The following RARS2 variants were observed in gnomAD, a reference collection of about 807,000 sequenced individuals.
RARS2 encodes arginyl-tRNA synthetase 2, mitochondrial.
RARS2 carries 67 observed loss-of-function variants against 88.5 expected under a neutral mutation model. That is an observed-to-expected ratio of 0.76 (90% confidence interval 0.62 to 0.93). The LOEUF is 0.93. Ranked by LOEUF, RARS2 falls within the 40% of genes least tolerant of loss-of-function variation. The probability of loss-of-function intolerance (pLI) is 0.00; values close to 1 mark genes in which losing one functional copy is unlikely to be tolerated. For missense variants in RARS2, 664 were observed against 684.2 expected (o/e 0.97, Z 0.33); for synonymous variants, 239 against 230.3 (o/e 1.04, Z -0.34).
At chr6:87,589,703 T>C (rs1776415529) in intron 1 of RARS2, 1 of 985,022 alleles carries the variant, frequency 1.0e-6, no homozygotes, top group Admixed American at 6.2e-5. Flanking sequence ...CCAGGTACCT[T>C]TCAAAGTTTA....
In RARS2 at chr6:87,530,933, G is replaced by A. The variant is rs1777321509; in HGVS notation, c.622C>T (p.Gln208Ter). 1.9e-6 allele frequency: 3 copies of A among 1,613,974 alleles called. No homozygotes were observed. Among genetic ancestry groups the A allele is most frequent in the Non-Finnish European group, 1.7e-6 (2 of 1,179,986 alleles). ...PLQHLFEVYV[Q>*]VNKEAADDKS... is the part of the protein sequence containing the mutation. Reference sequence around the variant, plus strand: ...TCATCTGCTGCTTCTTTATTAACTTGTACATAAACCTAAAAGTACAATAGT... The same window carrying A: ...TCATCTGCTGCTTCTTTATTAACTTATACATAAACCTAAAAGTACAATAGT... Residue 208 changes from glutamine to a stop codon, truncating the protein, a stop_gained, in exon 9 of 20, where the codon CAA (glutamine) becomes TAA (stop). Coordinates refer to ENST00000369536, the MANE Select transcript of RARS2 (RefSeq NM_020320.5). LOFTEE classifies it high-confidence loss of function.
Position 87,518,825 on chromosome 6 carries a change from T to C in RARS2, c.1304A>G (p.Gln435Arg). Residue 435 changes from glutamine (Q) to arginine (R), a missense_variant and splice_region_variant, in exon 15 of 20, where the codon CAG becomes CGG. Physicochemically the swap from Gln to Arg is conservative, Grantham distance 43. Transcript: ENST00000369536. Reference sequence around the variant, plus strand: ...TCACAGGTAGGAGTCTTAACAGACCTGAATAATGAGTGCTGCGAGCCCGAC... The same window carrying C: ...TCACAGGTAGGAGTCTTAACAGACCCGAATAATGAGTGCTGCGAGCCCGAC... ...ERVGLAALII[Q>R]DFKGLLLSDY... is the part of the protein sequence containing the mutation. 1 of 1,614,012 alleles carries C rather than the reference T, an allele frequency of 6.2e-7. No homozygotes were observed.
intron 14 of RARS2, 99 bp downstream of exon 14, chr6:87,519,483 CA>C (rs1364455513): frequency 7.4e-7 from 1 of 1,345,064 alleles, no homozygotes; most frequent in African/African-American, 1.5e-5. Context: ...AGTGACACTT[CA>C]ATGGAGGGAC....
chr6:87,566,792 G>A (rs1311358818), intron 2 of RARS2, among the ~76,000 whole-genome samples: 1 of 144,820 alleles, frequency 6.9e-6, no homozygotes, highest in East Asian at 2.0e-4. Context: ...GCTGCAGTAA[G>A]CCGTGATTCT....
chr6:87,531,030 A>G (rs1777369871), intron 8 of RARS2, 88 bp from the exon 9 acceptor site: 1 of 1,574,108 alleles, frequency 6.4e-7, no homozygotes, highest in African/African-American at 1.3e-5. Flanking sequence ...GCACATTCTG[A>G]GAATTCTCAT....
intron 2 of RARS2, among the ~76,000 whole-genome samples, chr6:87,564,975 T>C (rs1767432479): frequency 6.6e-6 from 1 of 152,074 alleles, no homozygotes; most frequent in Non-Finnish European, 1.5e-5. Context: ...CGAGAATTGC[T>C]TGAACCCAGG....
intron 3 of RARS2, 41 bp downstream of exon 3, chr6:87,564,089 G>A (rs1170627066): frequency 1.4e-6 from 2 of 1,467,136 alleles, no homozygotes; most frequent in African/African-American, 1.4e-5. Flanking sequence ...TTAATAACAA[G>A]TTTATTACAA....
At chr6:87,581,431 G>A (rs192903460) in intron 1 of RARS2, among the ~76,000 whole-genome samples, 1 of 152,138 alleles carries the variant, frequency 6.6e-6, no homozygotes, top group East Asian at 1.9e-4. Flanking sequence ...ACCAAGACCA[G>A]TGCAGAAGCC....
intron 14 of RARS2, 89 bp from the exon 15 acceptor site, chr6:87,518,980 T>G: frequency 3.2e-6 from 4 of 1,244,528 alleles, no homozygotes; most frequent in Non-Finnish European, 4.7e-6. Flanking sequence ...CAAAAATGTA[T>G]GCTGACAATC....
At chr6:87,529,467 C>G in intron 10 of RARS2, 75 bp downstream of exon 10, 2 of 962,730 alleles carry the variant, frequency 2.1e-6, no homozygotes, top group Non-Finnish European at 3.4e-6. Flanking sequence ...ATTCTGTTGT[C>G]CTTACTCAAA....
intron 1 of RARS2, among the ~76,000 whole-genome samples, chr6:87,570,716 AG>A (rs1381337961): frequency 6.6e-6 from 1 of 152,134 alleles, no homozygotes; most frequent in Admixed American, 6.6e-5. Context: ...CACCATGCCC[AG>A]CCAGATTTTT....
intron 4 of RARS2, among the ~76,000 whole-genome samples, chr6:87,557,560 G>A (rs986784127): frequency 2.0e-5 from 3 of 152,096 alleles, no homozygotes; most frequent in African/African-American, 7.2e-5. Flanking sequence ...CAACAAAAAG[G>A]CAACATTAAT....
chr6:87,540,831 G>A (rs1780703397), intron 8 of RARS2, among the ~76,000 whole-genome samples: 1 of 152,200 alleles, frequency 6.6e-6, no homozygotes, highest in East Asian at 1.9e-4. Flanking sequence ...AAATGAAATA[G>A]AGTAGGCAGA....
At chr6:87,516,691 T>G (rs1771861233) in intron 18 of RARS2, 115 bp downstream of exon 18, 1 of 1,432,910 alleles carries the variant, frequency 7.0e-7, no homozygotes, top group African/African-American at 1.4e-5. Context: ...CAATAATTCC[T>G]GTAACTAAAA....
intron 12 of RARS2, among the ~76,000 whole-genome samples, 153 bp downstream of exon 12, chr6:87,521,311 G>T (rs1773764947): frequency 6.6e-6 from 1 of 152,062 alleles, no homozygotes; most frequent in Admixed American, 6.6e-5. Flanking sequence ...ATTTTTAAGT[G>T]TTTAAACTTT....
intron 18 of RARS2, among the ~76,000 whole-genome samples, chr6:87,515,535 TTA>T (rs1297938407): frequency 1.3e-5 from 2 of 150,892 alleles, no homozygotes; most frequent in East Asian, 4.0e-4. Context: ...AAAAAAAAGA[TTA>T]TGATTTCAAT....
chr6:87,514,357 T>A lies in RARS2; in HGVS notation c.*56A>T. 5.2e-6 allele frequency: 6 copies of A among 1,155,388 alleles called. No homozygotes were observed. The highest frequency in any genetic ancestry group is 7.8e-6 in the Non-Finnish European group (6 of 765,450). The allele number at this position is 1,155,388 out of a possible 1,614,324, so 71.6% of individuals were successfully genotyped here. On this transcript the variant is annotated 3_prime_UTR_variant, in exon 20 of 20. Transcript: ENST00000369536. ...TAAATTTATTCTGAACAGCAAGGCA[T>A]CTCAGAATAGATAACTAGAATTCAC... is the stretch of plus-strand genomic sequence containing the variant.
rs554496115 is a variant in RARS2, at chr6:87,521,515, T to G, written c.984A>C (p.Ala328=). 2 of 1,612,310 alleles carry G rather than the reference T, an allele frequency of 1.2e-6. No homozygotes were observed. The highest frequency in any genetic ancestry group is 1.7e-5 in the Admixed American group (1 of 60,016). The change falls in exon 12 of 20, where the codon GCA becomes GCC. Residue 328 remains alanine (A), a synonymous_variant. Coordinates refer to ENST00000369536, the MANE Select transcript of RARS2 (RefSeq NM_020320.5). ...ACTTGTCCATTCGATCTATAGCAGC[T>G]GCAAGATCTCTGAAACAAAGTGGCC... ...GTSLYATRDL[A]AAIDRMDKYN...
chr6:87,518,294 A>T, intron 16 of RARS2, 30 bp from the exon 17 acceptor site: 1 of 1,613,888 alleles, frequency 6.2e-7, no homozygotes, highest in Non-Finnish European at 8.5e-7. Flanking sequence ...TAAAAACATC[A>T]AAAGATTAAA....
Sources: gnomAD v4.1 joint callset for allele counts (sites outside exome capture counted in the v4.1 genomes callset) on GRCh38, gnomAD v4.1.1 for gene constraint, MANE v1.5 for transcripts, NCBI Gene and HGNC (gene_info 2026-07-23, HGNC 2026-07-21) for gene names.